GBE1: variants seen among roughly 807,000 people sequenced by gnomAD.
GBE1 encodes 1,4-alpha-glucan-branching enzyme.
In GBE1, 70 loss-of-function variants were observed where a neutral mutation model predicts 88.8. That is an observed-to-expected ratio of 0.79 (90% confidence interval 0.65 to 0.96). GBE1 has a LOEUF of 0.96. Ranked by LOEUF, GBE1 falls within the 40% of genes least tolerant of loss-of-function variation. The probability of loss-of-function intolerance (pLI) is 0.00; values close to 1 mark genes in which losing one functional copy is unlikely to be tolerated. For synonymous variants in GBE1, 284 were observed against 300.1 expected (o/e 0.95, Z 0.56); for missense variants, 872 against 871.0 (o/e 1.00, Z -0.01).
chr3:81,600,269 T>C (rs186901294), intron 7 of GBE1, among the ~76,000 whole-genome samples: 1,792 of 151,846 alleles, frequency 0.012, 37 homozygotes, highest in African/African-American at 0.04. Context: ...CAAAAACAAA[T>C]AAATAAATAA....
rs770004880 is a variant in GBE1 at position 81,649,882 on chromosome 3, T to C, written c.469A>G (p.Ile157Val). The C allele has an allele frequency of 6.2e-7, 1 of 1,610,622 alleles. No individual in the cohort carries two copies. Among genetic ancestry groups the C allele is most frequent in the Non-Finnish European group, 8.5e-7 (1 of 1,177,326 alleles). The change falls in exon 4 of 16, where the codon ATT becomes GTT. Residue 157 changes from isoleucine (I) to valine (V), a missense_variant. By Grantham distance (29) the Ile-to-Val change is conservative. Transcript: ENST00000429644. ...TSKSGEILYR[I>V]SPWAKYVVRE... ...ACCACATACTTTGCCCACGGTGAAA[T>C]ACGATACAAGATCTCTCCGCTTTTA...
At chr3:81,588,282 A>G (rs1285128865) in intron 9 of GBE1, among the ~76,000 whole-genome samples, 1 of 152,172 alleles carries the variant, frequency 6.6e-6, no homozygotes, top group Non-Finnish European at 1.5e-5. Flanking sequence ...TTATCAAAAT[A>G]TAAGTCATAT....
rs552094593 is a variant in GBE1, at chr3:81,537,021, G to A, written c.1693C>T (p.Arg565Trp). 1.6e-5 allele frequency: 26 copies of A among 1,586,342 alleles called. No individual in the cohort carries two copies. Among genetic ancestry groups the A allele is most frequent in the African/African-American group, 2.7e-5 (2 of 73,062 alleles). Reference protein sequence around the residue: ...GNNESYHYARRQFHLTDDDLL... With the variant: ...GNNESYHYARWQFHLTDDDLL... Reference sequence around the variant, plus strand: ...TCGTCGTCAGTTAAATGAAACTGCCGCCTGGCATAATGGTAACTCTCATTA... The same window carrying A: ...TCGTCGTCAGTTAAATGAAACTGCCACCTGGCATAATGGTAACTCTCATTA... Residue 565 changes from arginine (R) to tryptophan (W), a missense_variant, in exon 13 of 16, where the codon CGG (arginine) becomes TGG (tryptophan). Arg to Trp is a moderately radical substitution (Grantham distance 101). Coordinates refer to ENST00000429644, the MANE Select transcript of GBE1 (RefSeq NM_000158.4).
At chr3:81,540,401 C>T (rs1703129061) in intron 12 of GBE1, among the ~76,000 whole-genome samples, 1 of 151,972 alleles carries the variant, frequency 6.6e-6, no homozygotes, top group Admixed American at 6.6e-5. Flanking sequence ...ATACAGATTT[C>T]CAAGTTAGCA....
At chr3:81,656,316 A>C (rs1484757251) in intron 3 of GBE1, among the ~76,000 whole-genome samples, 1 of 152,172 alleles carries the variant, frequency 6.6e-6, no homozygotes. Context: ...GAAGAGGAGA[A>C]GACACTGTGA....
At chr3:81,523,927 C>A (rs1038422926) in intron 14 of GBE1, among the ~76,000 whole-genome samples, 5 of 151,746 alleles carry the variant, frequency 3.3e-5, no homozygotes, top group African/African-American at 1.2e-4. Context: ...GATTCCAAAT[C>A]TTGGCTATAG....
At chr3:81,725,507 T>A (rs965272663) in intron 1 of GBE1, among the ~76,000 whole-genome samples, 1 of 152,122 alleles carries the variant, frequency 6.6e-6, no homozygotes, top group Non-Finnish European at 1.5e-5. Context: ...TGAGGATGCT[T>A]TATAGTTAAT....
chr3:81,704,655 T>A (rs1233682168), intron 2 of GBE1, among the ~76,000 whole-genome samples: 1 of 152,144 alleles, frequency 6.6e-6, no homozygotes, highest in Non-Finnish European at 1.5e-5. Context: ...AGGATTATGA[T>A]CATTTTGATA....
chr3:81,668,588 A>C (rs1043951309), intron 3 of GBE1, among the ~76,000 whole-genome samples: 1 of 152,196 alleles, frequency 6.6e-6, no homozygotes, highest in African/African-American at 2.4e-5. Context: ...ACTTGAGCTA[A>C]CAAAGCAAAA....
At chr3:81,593,871 C>A in intron 8 of GBE1, 37 bp downstream of exon 8, 1 of 1,025,376 alleles carries the variant, frequency 9.8e-7, no homozygotes, top group Non-Finnish European at 1.5e-6. Context: ...GCAGCTTCTG[C>A]AATTAACCCC....
intron 7 of GBE1, among the ~76,000 whole-genome samples, chr3:81,603,241 T>C (rs1002723064): frequency 6.6e-6 from 1 of 152,086 alleles, no homozygotes; most frequent in Non-Finnish European, 1.5e-5. Context: ...TATATACGAT[T>C]TTGCAAAAAT....
chr3:81,527,005 C>G (rs1372270947), intron 14 of GBE1, among the ~76,000 whole-genome samples: 1 of 152,096 alleles, frequency 6.6e-6, no homozygotes, highest in Admixed American at 6.6e-5. Flanking sequence ...CAGCATGGTA[C>G]TGGTACCAAA....
At chr3:81,538,918 A>C (rs1046080588) in intron 12 of GBE1, among the ~76,000 whole-genome samples, 3 of 152,024 alleles carry the variant, frequency 2.0e-5, no homozygotes, top group Non-Finnish European at 4.4e-5. Context: ...CCCAGTATTA[A>C]TAAACAATTC....
chr3:81,680,595 C>T (rs1391559523), intron 2 of GBE1, among the ~76,000 whole-genome samples: 1 of 151,568 alleles, frequency 6.6e-6, no homozygotes, highest in Non-Finnish European at 1.5e-5. Flanking sequence ...AGGATAATGA[C>T]ATTTATCTTT....
intron 12 of GBE1, among the ~76,000 whole-genome samples, chr3:81,574,083 T>C (rs1033865306): frequency 3.9e-5 from 6 of 152,116 alleles, no homozygotes; most frequent in Non-Finnish European, 8.8e-5. Context: ...AATGCAGAAA[T>C]GGCTTAATTT....
At chr3:81,514,827 C>G (rs188721604) in intron 14 of GBE1, among the ~76,000 whole-genome samples, 2 of 151,558 alleles carry the variant, frequency 1.3e-5, no homozygotes, top group Admixed American at 6.6e-5. Context: ...GTCAGAAACA[C>G]GAATAATATC....
At chr3:81,602,144 C>T (rs977347876) in intron 7 of GBE1, among the ~76,000 whole-genome samples, 2 of 152,102 alleles carry the variant, frequency 1.3e-5, no homozygotes. Flanking sequence ...AGTTGAAACC[C>T]ACAGGATAAA....
intron 7 of GBE1, among the ~76,000 whole-genome samples, chr3:81,639,530 A>C (rs1704641279): frequency 6.6e-6 from 1 of 152,056 alleles, no homozygotes; most frequent in Non-Finnish European, 1.5e-5. Flanking sequence ...AGGGGCGTTA[A>C]GGAATTTTAA....
At chr3:81,750,577 G>GTATATATGTA (rs1706492373) in intron 1 of GBE1, among the ~76,000 whole-genome samples, 11 of 35,214 alleles carry the variant, frequency 3.1e-4, no homozygotes, top group Non-Finnish European at 4.6e-4. Context: ...ATATATATAC[G>GTATATATGTA]TATATATATA....
Sources: gnomAD v4.1 joint callset for allele counts (sites outside exome capture counted in the v4.1 genomes callset) on GRCh38, gnomAD v4.1.1 for gene constraint, MANE v1.5 for transcripts, NCBI Gene and HGNC (gene_info 2026-07-23, HGNC 2026-07-21) for gene names.